The following GALNT18 variants were observed in gnomAD, a reference collection of about 807,000 sequenced individuals.
GALNT18 encodes the protein polypeptide N-acetylgalactosaminyltransferase 18, also known as GalNAc-transferase 18.
GALNT18 carries 44 observed loss-of-function variants against 69.5 expected under a neutral mutation model. The observed-to-expected ratio is 0.63, with a 90% CI of 0.50 to 0.81. GALNT18 has a LOEUF of 0.81. Ranked by LOEUF, GALNT18 falls within the 40% of genes least tolerant of loss-of-function variation. The probability of loss-of-function intolerance (pLI) is 0.00; values close to 1 mark genes in which losing one functional copy is unlikely to be tolerated. For synonymous variants in GALNT18, 364 were observed against 318.2 expected (o/e 1.14, Z -1.53); for missense variants, 715 against 810.0 (o/e 0.88, Z 1.42).
rs1185269630 is a variant in GALNT18 at position 11,566,318 on chromosome 11, C to T, written c.235+55041G>A. 2.0e-5 allele frequency among the ~76,000 whole-genome samples: 3 copies of T among 152,322 alleles called. No homozygotes were observed. In the East Asian group the frequency reaches 5.8e-4, roughly 29 times the overall value. On this transcript the variant is annotated intron_variant, in intron 1 of 10. Coordinates refer to ENST00000227756, the MANE Select transcript of GALNT18 (RefSeq NM_198516.3). ...ATGTAAATCAATGAGTGGGACTGTG[C>T]TCCAATAAAACTTTATTTATGAAAA... is the stretch of plus-strand genomic sequence containing the variant.
chr11:11,290,803 T>A (rs1327526551), intron 10 of GALNT18, among the ~76,000 whole-genome samples: 1 of 152,026 alleles, frequency 6.6e-6, no homozygotes, highest in East Asian at 1.9e-4. Flanking sequence ...GCCCAGCAGG[T>A]CTGGCTGAGG....
chr11:11,486,021 T>C (rs1345965605), intron 1 of GALNT18, among the ~76,000 whole-genome samples: 1 of 152,102 alleles, frequency 6.6e-6, no homozygotes, highest in Admixed American at 6.5e-5. Flanking sequence ...ACAGAGATGG[T>C]TGGTGGGGAG....
Position 11,575,612 on chromosome 11 carries a change from G to A in GALNT18, c.235+45747C>T, listed in dbSNP as rs957052832. Among the ~76,000 whole-genome samples, 29 of 152,190 alleles carry A rather than the reference G, an allele frequency of 1.9e-4. 1 individual carries two copies. The highest frequency in any genetic ancestry group is 1.9e-3 in the Admixed American group (29 of 15,280). On this transcript the variant is annotated intron_variant, in intron 1 of 10. Coordinates refer to ENST00000227756, the MANE Select transcript of GALNT18 (RefSeq NM_198516.3). ...CGTTGAATTGAGTTCTCATGCCTTGGAACTCCTGCTCTCTGTTTTCTGTTA... is the reference window on the plus strand; with the variant it reads ...CGTTGAATTGAGTTCTCATGCCTTGAAACTCCTGCTCTCTGTTTTCTGTTA...
intron 1 of GALNT18, among the ~76,000 whole-genome samples, chr11:11,553,822 G>T (rs897278140): frequency 2.0e-5 from 3 of 152,144 alleles, no homozygotes; most frequent in Non-Finnish European, 2.9e-5. Context: ...AAGGTCGCCT[G>T]CCATGTCCCT....
chr11:11,451,128 A>G (rs1037360298), intron 1 of GALNT18, among the ~76,000 whole-genome samples: 4 of 152,242 alleles, frequency 2.6e-5, no homozygotes, highest in African/African-American at 9.6e-5. Flanking sequence ...TCAGGATTGC[A>G]GTGGCTTGCC....
intron 10 of GALNT18, among the ~76,000 whole-genome samples, chr11:11,283,015 G>A (rs555970058): frequency 6.6e-6 from 1 of 152,152 alleles, no homozygotes; most frequent in South Asian, 2.1e-4. Context: ...TGAGATCTCA[G>A]CAAGGGCAAG....
At chr11:11,295,024 T>C (rs537661532) in intron 9 of GALNT18, among the ~76,000 whole-genome samples, 3 of 152,362 alleles carry the variant, frequency 2.0e-5, no homozygotes, top group Non-Finnish European at 2.9e-5. Flanking sequence ...GGCAAAATTA[T>C]GTATTTCTTG....
chr11:11,597,014 G>C (rs934218034), intron 1 of GALNT18, among the ~76,000 whole-genome samples: 22 of 152,126 alleles, frequency 1.4e-4, no homozygotes, highest in African/African-American at 3.1e-4. Context: ...ATCCAGAAAG[G>C]GTAGATTTTG....
rs913275054 is a variant in GALNT18, at chr11:11,311,759, G to T, written c.1512+15327C>A. Among the ~76,000 whole-genome samples, 3 of 152,290 alleles carry T rather than the reference G, an allele frequency of 2.0e-5. No individual in the cohort carries two copies. The South Asian group carries it at 6.2e-4, about 32-fold the overall frequency. On this transcript the variant is annotated intron_variant, in intron 9 of 10. Coordinates refer to ENST00000227756, the MANE Select transcript of GALNT18 (RefSeq NM_198516.3). ...AGGTCGCCATAAAAATATACTGAAT[G>T]TGATAAACAGATACAGATTCTGCCA... is the stretch of plus-strand genomic sequence containing the variant.
chr11:11,334,268 C>T (rs112828871), intron 7 of GALNT18, among the ~76,000 whole-genome samples: 7 of 152,138 alleles, frequency 4.6e-5, no homozygotes, highest in Non-Finnish European at 5.9e-5. Flanking sequence ...AGGGGCCAGG[C>T]GCAGTGGCTC....
chr11:11,408,986 A>T (rs184428471), intron 3 of GALNT18, among the ~76,000 whole-genome samples: 27 of 152,314 alleles, frequency 1.8e-4, no homozygotes, highest in African/African-American at 6.5e-4. Flanking sequence ...TGTGCGTCCT[A>T]ATCACCAACT....
At chr11:11,579,118 G>T (rs1565024056) in intron 1 of GALNT18, among the ~76,000 whole-genome samples, 2 of 152,244 alleles carry the variant, frequency 1.3e-5, no homozygotes, top group Non-Finnish European at 2.9e-5. Context: ...CTGGGAACTG[G>T]CTGTGGGCAG....
chr11:11,285,908 C>T (rs1352464610), intron 10 of GALNT18, among the ~76,000 whole-genome samples: 5 of 152,236 alleles, frequency 3.3e-5, no homozygotes, highest in African/African-American at 9.6e-5. Context: ...AAATCAGAGC[C>T]AATTGTCCCT....
At chr11:11,307,358 T>C (rs1849596317) in intron 9 of GALNT18, among the ~76,000 whole-genome samples, 1 of 152,200 alleles carries the variant, frequency 6.6e-6, no homozygotes, top group African/African-American at 2.4e-5. Flanking sequence ...TGATAATATT[T>C]CCAATTTAAT....
intron 10 of GALNT18, among the ~76,000 whole-genome samples, chr11:11,292,538 G>T (rs929790201): frequency 6.6e-6 from 1 of 152,208 alleles, no homozygotes; most frequent in Admixed American, 6.5e-5. Context: ...CCAATACTGC[G>T]TGGAAGGCAG....
intron 3 of GALNT18, among the ~76,000 whole-genome samples, chr11:11,419,403 C>T (rs1184944041): frequency 2.6e-5 from 4 of 151,726 alleles, no homozygotes; most frequent in Non-Finnish European, 5.9e-5. Flanking sequence ...TCAAGACCAG[C>T]CTGGCCAACA....
Position 11,588,910 on chromosome 11 carries a change from G to C in GALNT18, c.235+32449C>G, listed in dbSNP as rs537263983. 2.5e-3 allele frequency among the ~76,000 whole-genome samples: 383 copies of C among 152,318 alleles called. 3 individuals carry two copies. The highest frequency in any genetic ancestry group is 8.6e-3 in the African/African-American group (357 of 41,562). On this transcript the variant is annotated intron_variant, in intron 1 of 10. Transcript: ENST00000227756. ...AGTGCCCATTAGAACTCTACTAAAA[G>C]GGCCTGTTTTTGCCCAGGCCTGATG...
intron 10 of GALNT18, among the ~76,000 whole-genome samples, chr11:11,291,162 A>G (rs1030342823): frequency 2.0e-5 from 3 of 152,064 alleles, no homozygotes; most frequent in Non-Finnish European, 2.9e-5. Flanking sequence ...TGCTAGGCAC[A>G]GTGTCAAGTC....
intron 6 of GALNT18, among the ~76,000 whole-genome samples, chr11:11,354,327 T>C (rs1346268091): frequency 2.0e-5 from 3 of 152,218 alleles, no homozygotes; most frequent in Admixed American, 6.5e-5. Context: ...GGTCACAGGA[T>C]AATTTAGAAG....
Sources: allele counts gnomAD v4.1 joint callset (sites outside exome capture counted in the v4.1 genomes callset), GRCh38; gene constraint gnomAD v4.1.1; transcripts MANE v1.5; gene names NCBI Gene and HGNC (gene_info 2026-07-23, HGNC 2026-07-21).